Variants in SLC8A1 observed in about 807,000 individuals in gnomAD.
SLC8A1 encodes the protein sodium/calcium exchanger 1.
Under a neutral mutation model 68.3 loss-of-function variants are expected in SLC8A1, and 18 were observed. The observed-to-expected ratio is 0.26, with a 90% confidence interval of 0.18 to 0.39. The LOEUF is 0.39. Ranked by LOEUF, SLC8A1 falls within the 10% of genes least tolerant of loss-of-function variation. The pLI is 1.00. For missense variants in SLC8A1, 985 were observed against 1,156.7 expected (o/e 0.85, Z 2.15); for synonymous variants, 475 against 415.5 (o/e 1.14, Z -1.74).
chr2:40,111,420 C>T (rs1259736547), exon 8 of SLC8A1: 1 of 152,034 alleles, frequency 6.6e-6, no homozygotes, highest in African/African-American at 2.4e-5. Flanking sequence ...TTAAATAATT[C>T]CTTCATTCAT....
chr2:40,373,517 C>A lies in SLC8A1; in HGVS notation c.1808+54956G>T, dbSNP rs1442615476. ...AATTTACAGTTGTGGGAGGTGGGGA[C>A]TAAGAGCTCTTGAGTATCTATTTTA... On this transcript the variant is annotated intron_variant, in intron 2 of 7. Transcript: ENST00000406785. Among the ~76,000 whole-genome samples the A allele has an allele frequency of 2.0e-5, 3 of 152,076 alleles. No individual in the cohort carries two copies. The East Asian group carries it at 5.8e-4, about 29-fold the overall frequency.
At chr2:40,415,304 T>C (rs915381983) in intron 2 of SLC8A1, among the ~76,000 whole-genome samples, 15 of 152,058 alleles carry the variant, frequency 9.9e-5, no homozygotes, top group African/African-American at 3.6e-4. Flanking sequence ...AAAGACATAA[T>C]TGGTAACGGT....
exon 8 of SLC8A1, chr2:40,097,611 C>A (rs919585243): frequency 3.3e-5 from 5 of 151,952 alleles, no homozygotes; most frequent in Non-Finnish European, 1.5e-5. Context: ...ACACACCTTG[C>A]AACAAGCTTC....
chr2:40,243,312 G>A (rs929779099), intron 2 of SLC8A1, among the ~76,000 whole-genome samples: 1 of 152,008 alleles, frequency 6.6e-6, no homozygotes, highest in Non-Finnish European at 1.5e-5. Flanking sequence ...ATAAAACCCT[G>A]CCTCTACCAA....
At chr2:40,257,861 T>C (rs2064151436) in intron 2 of SLC8A1, among the ~76,000 whole-genome samples, 3 of 152,160 alleles carry the variant, frequency 2.0e-5, no homozygotes, top group African/African-American at 2.4e-5. Context: ...CATCTCCACA[T>C]GGACACAGGA....
chr2:40,396,963 G>C (rs1193636987), intron 2 of SLC8A1, among the ~76,000 whole-genome samples: 1 of 151,956 alleles, frequency 6.6e-6, no homozygotes, highest in Non-Finnish European at 1.5e-5. Flanking sequence ...CAGGTTTCAG[G>C]GTTTAAATCT....
chr2:40,392,582 T>A (rs1685651505), intron 2 of SLC8A1, among the ~76,000 whole-genome samples: 1 of 152,144 alleles, frequency 6.6e-6, no homozygotes, highest in South Asian at 2.1e-4. Context: ...AAGTGCTAAT[T>A]GCTGAAGATC....
intron 1 of SLC8A1, among the ~76,000 whole-genome samples, chr2:40,480,685 T>G (rs1446710938): frequency 6.6e-6 from 1 of 152,172 alleles, no homozygotes; most frequent in Non-Finnish European, 1.5e-5. Flanking sequence ...TGGAAAGGAC[T>G]CAAGGACATA....
At chr2:40,201,758 T>C (rs942311960) in intron 2 of SLC8A1, among the ~76,000 whole-genome samples, 2 of 151,896 alleles carry the variant, frequency 1.3e-5, no homozygotes, top group East Asian at 3.9e-4. Context: ...TTGTTAGCAT[T>C]TGCATGAGTT....
intron 2 of SLC8A1, among the ~76,000 whole-genome samples, chr2:40,216,788 G>A (rs1400379342): frequency 6.6e-6 from 1 of 152,138 alleles, no homozygotes; most frequent in Non-Finnish European, 1.5e-5. Context: ...TTTGTTGGCT[G>A]CATGAATGTC....
chr2:40,229,587 T>G (rs976010888), intron 2 of SLC8A1, among the ~76,000 whole-genome samples: 1 of 152,158 alleles, frequency 6.6e-6, no homozygotes, highest in Admixed American at 6.6e-5. Context: ...CCTAAATAAG[T>G]CCTTACAGCT....
exon 8 of SLC8A1, chr2:40,106,004 G>A (rs919332738): frequency 3.3e-5 from 5 of 152,188 alleles, no homozygotes; most frequent in African/African-American, 1.2e-4. Flanking sequence ...ATGTGTTAAT[G>A]AATCCCATGT....
chr2:40,184,249 C>T (rs543758913), intron 2 of SLC8A1, among the ~76,000 whole-genome samples: 1 of 152,030 alleles, frequency 6.6e-6, no homozygotes, highest in East Asian at 1.9e-4. Flanking sequence ...GCAGCCAGGG[C>T]TTGCTTTAAA....
chr2:40,451,461 G>C lies in SLC8A1; in HGVS notation c.-25+443C>G, dbSNP rs72953136. 5.3e-3 allele frequency among the ~76,000 whole-genome samples: 810 copies of C among 152,290 alleles called. 9 individuals carry two copies. Among genetic ancestry groups the C allele is most frequent in the African/African-American group, 0.018 (764 of 41,572 alleles). ...TTGGGGAAAGACCCCAGGGATTACC[G>C]GAAGGAGGGATGTCCGCGGAGAAGA... On this transcript the variant is annotated intron_variant, in intron 1 of 7. Transcript: ENST00000406785.
At chr2:40,449,943 T>C (rs982494018) in intron 1 of SLC8A1, among the ~76,000 whole-genome samples, 1 of 152,172 alleles carries the variant, frequency 6.6e-6, no homozygotes, top group African/African-American at 2.4e-5. Context: ...AGGGCTTCTT[T>C]TATAGCAGGT....
At chr2:40,267,789 A>C (rs1485774954) in intron 2 of SLC8A1, among the ~76,000 whole-genome samples, 1 of 152,196 alleles carries the variant, frequency 6.6e-6, no homozygotes, top group Non-Finnish European at 1.5e-5. Context: ...TAGGAGAATA[A>C]AGAGCTTCAG....
chr2:40,287,041 G>A (rs1171971917), intron 2 of SLC8A1, among the ~76,000 whole-genome samples: 7 of 152,034 alleles, frequency 4.6e-5, no homozygotes, highest in African/African-American at 1.4e-4. Context: ...AGGAGTAACA[G>A]GTCACCTACC....
At chr2:40,419,783 C>G (rs1345083841) in intron 2 of SLC8A1, among the ~76,000 whole-genome samples, 1 of 152,006 alleles carries the variant, frequency 6.6e-6, no homozygotes, top group Non-Finnish European at 1.5e-5. Flanking sequence ...CCCACTTTTT[C>G]CTTTAATAAT....
chr2:40,389,250 T>A (rs1331346817), intron 2 of SLC8A1, among the ~76,000 whole-genome samples: 3 of 152,088 alleles, frequency 2.0e-5, no homozygotes, highest in Admixed American at 2.0e-4. Flanking sequence ...AGAAAGGATT[T>A]TTTTTTTACC....
Sources: allele counts gnomAD v4.1 joint callset (sites outside exome capture counted in the v4.1 genomes callset), GRCh38; gene constraint gnomAD v4.1.1; transcripts MANE v1.5; gene names NCBI Gene and HGNC (gene_info 2026-07-23, HGNC 2026-07-21).